The following ATF6 variants were observed in gnomAD, a reference collection of about 807,000 sequenced individuals.
ATF6 encodes cyclic AMP-dependent transcription factor ATF-6 alpha.
ATF6 carries 53 observed loss-of-function variants against 83.6 expected under a neutral mutation model. The ratio of observed to expected loss-of-function variants is 0.63; its 90% CI spans 0.51 to 0.80. The LOEUF (loss-of-function observed/expected upper bound fraction) is 0.80. Ranked by LOEUF, ATF6 falls within the 30% of genes least tolerant of loss-of-function variation. The pLI is 0.00. For missense variants in ATF6, 744 were observed against 797.9 expected, an observed-to-expected ratio of 0.93 and a Z score of 0.81; for synonymous variants, 288 against 285.8, an observed-to-expected ratio of 1.01 and a Z score of -0.08.
intron 15 of ATF6, among the ~76,000 whole-genome samples, chr1:161,913,052 T>G (rs1176229236): frequency 6.6e-6 from 1 of 152,210 alleles, no homozygotes; most frequent in African/African-American, 2.4e-5. Context: ...AGCTTGATTC[T>G]TCATGGAGAA....
chr1:161,790,881 A>G (rs1490447469), intron 4 of ATF6, among the ~76,000 whole-genome samples: 1 of 152,182 alleles, frequency 6.6e-6, no homozygotes, highest in East Asian at 1.9e-4. Flanking sequence ...TTTCTTTTAC[A>G]ACATTTGGAA....
intron 14 of ATF6, among the ~76,000 whole-genome samples, chr1:161,879,940 T>C (rs1287883462): frequency 2.0e-5 from 3 of 152,144 alleles, no homozygotes; most frequent in Non-Finnish European, 1.5e-5. Flanking sequence ...AAATAAACTT[T>C]AATTTTGTGC....
chr1:161,924,978 C>T lies in ATF6; in HGVS notation c.1804+12598C>T, dbSNP rs548429482. On this transcript the variant is annotated intron_variant, in intron 15 of 15. Transcript: ENST00000367942. ...TAATCACCGCCATGTATAGAGACTGCCTGCTTTAAATAGCTCTGGCAATTT... is the reference window on the plus strand; with the variant it reads ...TAATCACCGCCATGTATAGAGACTGTCTGCTTTAAATAGCTCTGGCAATTT... Among the ~76,000 whole-genome samples the T allele has an allele frequency of 1.9e-4, 29 of 152,286 alleles. No individual in the cohort carries two copies. In the South Asian group the frequency reaches 5.8e-3, roughly 30 times the overall value.
intron 15 of ATF6, among the ~76,000 whole-genome samples, chr1:161,932,612 C>G (rs1688456202): frequency 6.6e-6 from 1 of 152,146 alleles, no homozygotes; most frequent in Non-Finnish European, 1.5e-5. Context: ...GTTATATTAG[C>G]TCAATGAATA....
At chr1:161,797,261 CAAGACAAGGA>C (rs1267059920) in intron 6 of ATF6, among the ~76,000 whole-genome samples, 1 of 152,064 alleles carries the variant, frequency 6.6e-6, no homozygotes, top group Non-Finnish European at 1.5e-5. Flanking sequence ...AGAACCAGAA[CAAGACAAGGA>C]TGTCCCTCTC....
At chr1:161,944,566 CTGTT>C (rs150766021) in intron 15 of ATF6, among the ~76,000 whole-genome samples, 1,910 of 152,334 alleles carry the variant, frequency 0.013, 45 homozygotes, top group African/African-American at 0.043. Context: ...TCATTACCGT[CTGTT>C]TGATTCTTTC....
chr1:161,913,273 C>T (rs780643367), intron 15 of ATF6, among the ~76,000 whole-genome samples: 1 of 152,142 alleles, frequency 6.6e-6, no homozygotes, highest in Non-Finnish European at 1.5e-5. Context: ...ACGAAAAGCC[C>T]TTTGAACTAA....
At chr1:161,827,295 G>A (rs562967804) in intron 9 of ATF6, among the ~76,000 whole-genome samples, 9 of 152,230 alleles carry the variant, frequency 5.9e-5, no homozygotes, top group African/African-American at 2.2e-4. Flanking sequence ...CAGAGGAGCA[G>A]GAACTTCCCA....
chr1:161,932,430 G>T (rs1688452870), intron 15 of ATF6, among the ~76,000 whole-genome samples: 1 of 151,762 alleles, frequency 6.6e-6, no homozygotes, highest in Admixed American at 6.6e-5. Context: ...TTGATTTTTT[G>T]ACTGTCCCTT....
At chr1:161,824,436 C>T (rs746999796) in intron 9 of ATF6, among the ~76,000 whole-genome samples, 5 of 150,720 alleles carry the variant, frequency 3.3e-5, no homozygotes, top group Non-Finnish European at 5.9e-5. Flanking sequence ...CTTTCCTGGA[C>T]TACCTTTTCT....
At chr1:161,862,687 G>C (rs915913042) in intron 13 of ATF6, among the ~76,000 whole-genome samples, 5 of 152,024 alleles carry the variant, frequency 3.3e-5, no homozygotes, top group African/African-American at 1.2e-4. Flanking sequence ...TTCATGGAGG[G>C]CAATTTCCCC....
intron 15 of ATF6, among the ~76,000 whole-genome samples, chr1:161,946,401 TCC>T (rs1237944658): frequency 6.6e-6 from 1 of 152,232 alleles, no homozygotes; most frequent in Non-Finnish European, 1.5e-5. Flanking sequence ...CTATGGATCC[TCC>T]AGAAAGACTA....
intron 15 of ATF6, among the ~76,000 whole-genome samples, chr1:161,950,007 G>A (rs981539236): frequency 2.6e-5 from 4 of 152,152 alleles, no homozygotes; most frequent in African/African-American, 7.2e-5. Context: ...CGTTTATGGG[G>A]TTTTGGTCTA....
chr1:161,900,791 G>T (rs1687770582), intron 14 of ATF6, among the ~76,000 whole-genome samples: 1 of 152,026 alleles, frequency 6.6e-6, no homozygotes, highest in Non-Finnish European at 1.5e-5. Flanking sequence ...CAAAACTAAT[G>T]ATCTTCAGTT....
At chr1:161,830,039 T>G (rs1359343788) in intron 9 of ATF6, among the ~76,000 whole-genome samples, 1 of 152,152 alleles carries the variant, frequency 6.6e-6, no homozygotes, top group South Asian at 2.1e-4. Flanking sequence ...GATTGTATAT[T>G]TAGAAAACCC....
chr1:161,951,433 C>A (rs1327101839), intron 15 of ATF6, among the ~76,000 whole-genome samples: 1 of 152,178 alleles, frequency 6.6e-6, no homozygotes, highest in Non-Finnish European at 1.5e-5. Flanking sequence ...ACTTGACCAG[C>A]AAGTATTAGA....
intron 6 of ATF6, among the ~76,000 whole-genome samples, chr1:161,794,165 A>G (rs1338264310): frequency 6.6e-6 from 1 of 152,160 alleles, no homozygotes; most frequent in Non-Finnish European, 1.5e-5. Flanking sequence ...CGGCCTCCCA[A>G]AGTGCTGGGA....
In ATF6 at chr1:161,943,865, C is replaced by G. The variant is rs535310187; in HGVS notation, c.1805-14581C>G. ...ATCCTTAGTCTTTATCATTTTCAAA[C>G]ATACTGTGTATTTACTTACTTCTCT... On this transcript the variant is annotated intron_variant, in intron 15 of 15. Coordinates refer to ENST00000367942, the MANE Select transcript of ATF6 (RefSeq NM_007348.4). Among the ~76,000 whole-genome samples the G allele has an allele frequency of 7.2e-5, 11 of 152,334 alleles. No homozygotes were observed. In the South Asian group the frequency reaches 2.1e-3, roughly 29 times the overall value.
rs550913572 is a variant in ATF6, at chr1:161,876,184, A to C, written c.1719+12872A>C. ...CTATAAAAGGTCTTTGTTGTTGATT[A>C]CTTGGGGCTCATACTGAATAAATCT... On this transcript the variant is annotated intron_variant, in intron 14 of 15. Transcript: ENST00000367942. Among the ~76,000 whole-genome samples the C allele has an allele frequency of 2.0e-5, 3 of 152,090 alleles. No individual in the cohort carries two copies. In the East Asian group the frequency reaches 5.8e-4, roughly 29 times the overall value.
Sources: gnomAD v4.1 joint callset for allele counts (sites outside exome capture counted in the v4.1 genomes callset) on GRCh38, gnomAD v4.1.1 for gene constraint, MANE v1.5 for transcripts, NCBI Gene and HGNC (gene_info 2026-07-23, HGNC 2026-07-21) for gene names.